Variants in GRTP1 observed in about 807,000 individuals in gnomAD.
GRTP1 encodes the protein growth hormone-regulated TBC protein 1.
In GRTP1, 56 loss-of-function variants were observed where a neutral mutation model predicts 38.1. The ratio of observed to expected loss-of-function variants is 1.47; its 90% CI spans 1.19 to 1.84. The LOEUF is 1.84. Ranked by LOEUF, GRTP1 falls within the 40% of genes most tolerant of loss-of-function variation. The probability of loss-of-function intolerance (pLI) is 0.00; values close to 1 mark genes in which losing one functional copy is unlikely to be tolerated. For synonymous variants in GRTP1, 217 were observed against 189.5 expected, an observed-to-expected ratio of 1.14 and a Z score of -1.19; for missense variants, 506 against 453.9, an observed-to-expected ratio of 1.11 and a Z score of -1.04.
intron 5 of GRTP1, among the ~76,000 whole-genome samples, chr13:113,329,980 TGTGCATGGGAGCCCGGGTGC>T (rs1170349903): frequency 2.0e-5 from 3 of 151,928 alleles, no homozygotes; most frequent in African/African-American, 4.8e-5. Context: ...AAACCAGGTG[TGTGCATGGGAGCCCGGGTGC>T]GTGCATGGGA....
intron 5 of GRTP1, among the ~76,000 whole-genome samples, chr13:113,337,869 A>T (rs2042975489): frequency 6.6e-6 from 1 of 151,504 alleles, no homozygotes; most frequent in South Asian, 2.1e-4. Context: ...CCCTCCACCC[A>T]CCTCTGCTCA....
intron 4 of GRTP1, among the ~76,000 whole-genome samples, chr13:113,346,101 G>C (rs1301904256): frequency 2.4e-4 from 16 of 66,868 alleles, no homozygotes; most frequent in Non-Finnish European, 3.4e-4. Flanking sequence ...GACATCTGTG[G>C]CCGAGAACAG....
rs1488089926 is a variant in GRTP1, at chr13:113,349,937, G to T, written c.465+912C>A. 6.6e-6 allele frequency among the ~76,000 whole-genome samples: 1 copy of T among 152,088 alleles called. No homozygotes were observed. Among genetic ancestry groups the T allele is most frequent in the Non-Finnish European group, 1.5e-5 (1 of 68,014 alleles). ...TGTCCTCCTAGAAACGTTTAAGCCAGCCACAACCCCTAGGAGCCCGTGAAG... is the reference window on the plus strand; with the variant it reads ...TGTCCTCCTAGAAACGTTTAAGCCATCCACAACCCCTAGGAGCCCGTGAAG... On this transcript the variant is annotated intron_variant, in intron 4 of 7. Transcript: ENST00000375431. The surrounding 1 kb of genome is among the most constrained non-coding windows in gnomAD (Gnocchi z 5.0).
At chr13:113,361,327 C>T (rs2043495350) in intron 2 of GRTP1, among the ~76,000 whole-genome samples, 1 of 151,826 alleles carries the variant, frequency 6.6e-6, no homozygotes, top group Non-Finnish European at 1.5e-5. Flanking sequence ...TTGCTCTTTT[C>T]CTTTTCCCTG....
chr13:113,364,138 C>G, upstream of GRTP1: 1 of 1,014,024 alleles, frequency 9.9e-7, no homozygotes, highest in Non-Finnish European at 1.2e-6. Context: ...TCCGGCGGGA[C>G]CGCGGGCGCG....
chr13:113,360,043 C>T (rs1374695904), intron 2 of GRTP1: 1 of 152,078 alleles, frequency 6.6e-6, no homozygotes, highest in African/African-American at 2.4e-5. Context: ...TAGGCAAATC[C>T]CCAGTTTTTC....
chr13:113,347,764 A>G (rs1477591252), intron 4 of GRTP1, among the ~76,000 whole-genome samples: 5 of 102,732 alleles, frequency 4.9e-5, no homozygotes, highest in African/African-American at 8.3e-5. Context: ...GGACCTCTGA[A>G]GCCGAGAGCA....
chr13:113,325,901 C>A lies in GRTP1; in HGVS notation c.735+18G>T. ...CCCTGGCGGCCCGCCCGCCCCAGGG[C>A]CCGAGTGAGGCGCTCACCTCCACGG... On this transcript the variant is annotated intron_variant, in intron 6 of 7. Transcript: ENST00000375431. 8 of 1,613,926 alleles carry A rather than the reference C, an allele frequency of 5.0e-6. No individual in the cohort carries two copies. Among genetic ancestry groups the A allele is most frequent in the Non-Finnish European group, 6.8e-6 (8 of 1,179,908 alleles).
chr13:113,355,206 A>T, intron 3 of GRTP1, 117 bp downstream of exon 3: 1 of 986,690 alleles, frequency 1.0e-6, no homozygotes, highest in South Asian at 1.7e-5. Context: ...ACGTAACTTC[A>T]AGTTAAAAGC....
At chr13:113,327,782 C>G (rs1385388248) in intron 5 of GRTP1, among the ~76,000 whole-genome samples, 1 of 152,198 alleles carries the variant, frequency 6.6e-6, no homozygotes, top group East Asian at 1.9e-4. Context: ...GAAGAACCAT[C>G]AATCAGTGCC....
intron 3 of GRTP1, among the ~76,000 whole-genome samples, chr13:113,352,337 T>TATATATATTTTA (rs2043295312): frequency 9.7e-5 from 5 of 51,532 alleles, no homozygotes; most frequent in South Asian, 5.5e-4. Context: ...TATATATATT[T>TATATATATTTTA]TATATATATA....
intron 5 of GRTP1, among the ~76,000 whole-genome samples, chr13:113,331,151 C>T (rs1026811798): frequency 2.6e-5 from 4 of 152,102 alleles, no homozygotes; most frequent in South Asian, 2.1e-4. Context: ...CATGGGAACC[C>T]GGGTGTGTGC....
At chr13:113,340,316 T>C (rs950311795) in intron 5 of GRTP1, among the ~76,000 whole-genome samples, 31 of 136,414 alleles carry the variant, frequency 2.3e-4, no homozygotes, top group Non-Finnish European at 2.7e-4. Flanking sequence ...TCTCTACAAA[T>C]AAAAAAAAAA....
At chr13:113,345,462 G>A (rs1031120194) in intron 4 of GRTP1, among the ~76,000 whole-genome samples, 1 of 152,228 alleles carries the variant, frequency 6.6e-6, no homozygotes, top group East Asian at 1.9e-4. Flanking sequence ...CCAACATCAC[G>A]TATGTGACCC....
intron 4 of GRTP1, 104 bp downstream of exon 4, chr13:113,350,745 G>A (rs1321956323): frequency 1.8e-6 from 2 of 1,111,324 alleles, no homozygotes; most frequent in East Asian, 2.7e-5. Context: ...TGGAATTCAT[G>A]AACAGGGTTG....
chr13:113,336,467 C>T (rs914247576), intron 5 of GRTP1, among the ~76,000 whole-genome samples: 8 of 152,132 alleles, frequency 5.3e-5, no homozygotes, highest in Non-Finnish European at 1.2e-4. Context: ...AACTTGGACT[C>T]AGCACCAGGC....
chr13:113,338,893 TC>T (rs1432921650), intron 5 of GRTP1, among the ~76,000 whole-genome samples: 1 of 150,014 alleles, frequency 6.7e-6, no homozygotes, highest in East Asian at 2.0e-4. Context: ...CTGAGCTGTT[TC>T]TTTTTCTGCT....
intron 5 of GRTP1, among the ~76,000 whole-genome samples, chr13:113,335,131 A>G (rs531106329): frequency 1.3e-5 from 2 of 152,008 alleles, no homozygotes; most frequent in South Asian, 2.1e-4. Flanking sequence ...AAGTTTGTCT[A>G]ATTCTTAAAC....
intron 5 of GRTP1, among the ~76,000 whole-genome samples, chr13:113,330,770 ACTC>A (rs1566415673): frequency 0.52 from 101 of 194 alleles, 49 homozygotes; most frequent in African/African-American, 0.79. Flanking sequence ...GTGCGTGGAA[ACTC>A]AGGTGCGTGC....
Sources: allele counts gnomAD v4.1 joint callset (sites outside exome capture counted in the v4.1 genomes callset), GRCh38; gene constraint gnomAD v4.1.1; non-coding constraint Gnocchi (gnomAD v3.1); transcripts MANE v1.5; gene names NCBI Gene and HGNC (gene_info 2026-07-23, HGNC 2026-07-21).